RASGRF2: variants seen among roughly 807,000 people sequenced by gnomAD.
RASGRF2 encodes the protein ras-specific guanine nucleotide-releasing factor 2.
RASGRF2 carries 76 observed loss-of-function variants against 151.0 expected under a neutral mutation model. The ratio of observed to expected loss-of-function variants is 0.50; its 90% CI spans 0.42 to 0.61. The LOEUF is 0.61. Ranked by LOEUF, RASGRF2 falls within the 20% of genes least tolerant of loss-of-function variation. The pLI, the probability that RASGRF2 is intolerant of heterozygous loss-of-function variation, is 0.00. For missense variants in RASGRF2, 1,148 were observed against 1,564.6 expected, an observed-to-expected ratio of 0.73 and a Z score of 4.49; for synonymous variants, 504 against 566.5, an observed-to-expected ratio of 0.89 and a Z score of 1.57.
In RASGRF2 at chr5:80,990,429, G is replaced by A. The variant is rs867575892; in HGVS notation, c.288+29403G>A. On this transcript the variant is annotated intron_variant, in intron 1 of 26. Coordinates refer to ENST00000265080, the MANE Select transcript of RASGRF2 (RefSeq NM_006909.3). The stretch of plus-strand genomic sequence containing the variant: ...ATACTCTTGTCATCCTCTTGCCAGT[G>A]AAAGGAGTCGGGAGGGGGCTCCAGG... 3.9e-5 allele frequency among the ~76,000 whole-genome samples: 6 copies of A among 152,142 alleles called. No homozygotes were observed. The South Asian group carries it at 8.3e-4, about 21-fold the overall frequency.
Position 81,202,123 on chromosome 5 carries a change from A to AT in RASGRF2, c.2906+691dup, listed in dbSNP as rs141401732. On this transcript the variant is annotated intron_variant, in intron 19 of 26. Coordinates refer to ENST00000265080, the MANE Select transcript of RASGRF2 (RefSeq NM_006909.3). ...TATAGCTTCTTGAACTGGTGGGTGG[A>AT]TTTTTTTTTTGTCCACTCTATGTGG... is the stretch of plus-strand genomic sequence containing the variant. 5.0e-4 allele frequency among the ~76,000 whole-genome samples: 74 copies of AT among 149,334 alleles called. No individual in the cohort carries two copies. The East Asian group carries it at 9.0e-3, about 18-fold the overall frequency.
chr5:81,227,295 G>C lies in RASGRF2; in HGVS notation c.*1525G>C, dbSNP rs893844838. ...GCATTGGTAATGCACCATAGAGGTA[G>C]AGAATGTACACTTTCTGCACGGTAA... On this transcript the variant is annotated 3_prime_UTR_variant, in exon 27 of 27. Transcript: ENST00000265080. 6.6e-6 allele frequency: 1 copy of C among 152,216 alleles called. No individual in the cohort carries two copies. The highest frequency in any genetic ancestry group is 2.4e-5 in the African/African-American group (1 of 41,458). The allele number at this position is 152,216 out of a possible 1,614,324, so 9.4% of individuals were successfully genotyped here.
chr5:80,971,793 C>G (rs555066065), intron 1 of RASGRF2, among the ~76,000 whole-genome samples: 1 of 151,998 alleles, frequency 6.6e-6, no homozygotes, highest in South Asian at 2.1e-4. Flanking sequence ...TGGTCTCAAC[C>G]GCCTGGGCTC....
intron 18 of RASGRF2, among the ~76,000 whole-genome samples, chr5:81,189,977 G>A (rs898757667): frequency 6.6e-6 from 1 of 152,194 alleles, no homozygotes; most frequent in South Asian, 2.1e-4. Flanking sequence ...TTTCCAAAGT[G>A]CTGGGATTAC....
chr5:81,071,224 C>G (rs1561591382), intron 4 of RASGRF2, among the ~76,000 whole-genome samples: 1 of 152,152 alleles, frequency 6.6e-6, no homozygotes, highest in Non-Finnish European at 1.5e-5. Flanking sequence ...TGGAAAGCAT[C>G]ATATTTGAGG....
intron 1 of RASGRF2, among the ~76,000 whole-genome samples, chr5:81,000,858 G>A (rs761656393): frequency 2.2e-4 from 33 of 152,206 alleles, no homozygotes; most frequent in South Asian, 4.1e-4. Context: ...AACAACGTGC[G>A]TAACTGGACA....
At chr5:80,978,038 G>T (rs760522249) in intron 1 of RASGRF2, among the ~76,000 whole-genome samples, 36 of 152,154 alleles carry the variant, frequency 2.4e-4, no homozygotes, top group Admixed American at 9.2e-4. Flanking sequence ...TAGAGGATAG[G>T]TGAGTGAAAG....
At chr5:81,148,731 A>C (rs1195563631) in intron 17 of RASGRF2, among the ~76,000 whole-genome samples, 1 of 151,900 alleles carries the variant, frequency 6.6e-6, no homozygotes, top group African/African-American at 2.4e-5. Context: ...CGAAATGACG[A>C]GTTAATGGGT....
intron 1 of RASGRF2, among the ~76,000 whole-genome samples, chr5:80,990,191 GA>G (rs1374586928): frequency 1.3e-5 from 2 of 151,696 alleles, no homozygotes; most frequent in Non-Finnish European, 2.9e-5. Flanking sequence ...CTAAAGGAAA[GA>G]CCTCTTACTA....
At chr5:81,190,745 G>A (rs1755137891) in intron 18 of RASGRF2, among the ~76,000 whole-genome samples, 1 of 152,262 alleles carries the variant, frequency 6.6e-6, no homozygotes, top group East Asian at 1.9e-4. Flanking sequence ...TCTCCTTACA[G>A]TGAGACATTT....
At chr5:81,005,790 T>C (rs1749249389) in intron 1 of RASGRF2, among the ~76,000 whole-genome samples, 1 of 152,216 alleles carries the variant, frequency 6.6e-6, no homozygotes, top group African/African-American at 2.4e-5. Context: ...GTACTTTTTT[T>C]CCTTTCTATC....
intron 1 of RASGRF2, among the ~76,000 whole-genome samples, chr5:81,015,177 C>G (rs906493056): frequency 1.3e-5 from 2 of 152,152 alleles, no homozygotes; most frequent in African/African-American, 4.8e-5. Context: ...CACTTTCCAA[C>G]TCTAGATTTT....
chr5:81,103,516 G>T (rs2112524375), intron 12 of RASGRF2, among the ~76,000 whole-genome samples: 1 of 152,090 alleles, frequency 6.6e-6, no homozygotes, highest in African/African-American at 2.4e-5. Context: ...AAAGATTCAA[G>T]GGAATAGAAA....
At chr5:81,012,081 A>C (rs978809070) in intron 1 of RASGRF2, among the ~76,000 whole-genome samples, 1 of 152,186 alleles carries the variant, frequency 6.6e-6, no homozygotes, top group Non-Finnish European at 1.5e-5. Flanking sequence ...TAAAAGCTTT[A>C]CATTTTGTTA....
At chr5:81,113,259 T>TG (rs1450545421) in intron 14 of RASGRF2, 1 of 527,530 alleles carries the variant, frequency 1.9e-6, no homozygotes, top group African/African-American at 1.9e-5. Context: ...AGGCCTGGTG[T>TG]GGAGCCTGAG....
intron 21 of RASGRF2, 128 bp from the exon 22 acceptor site, chr5:81,208,226 C>A: frequency 1.5e-6 from 1 of 660,138 alleles, no homozygotes; most frequent in Non-Finnish European, 2.5e-6. Flanking sequence ...CTGGCAGCAG[C>A]AGGTGTCAGG....
At chr5:81,118,902 G>A (rs1016348581) in intron 15 of RASGRF2, among the ~76,000 whole-genome samples, 2 of 152,148 alleles carry the variant, frequency 1.3e-5, no homozygotes, top group African/African-American at 4.8e-5. Flanking sequence ...TAACAAAGAT[G>A]GCTTTTATGC....
chr5:81,134,329 T>G (rs1287665992), intron 17 of RASGRF2, among the ~76,000 whole-genome samples: 2 of 152,080 alleles, frequency 1.3e-5, no homozygotes, highest in African/African-American at 2.4e-5. Context: ...ACATATTCAG[T>G]GTTTTAGGTG....
chr5:81,146,609 C>G, intron 17 of RASGRF2, among the ~76,000 whole-genome samples: 1 of 152,042 alleles, frequency 6.6e-6, no homozygotes, highest in South Asian at 2.1e-4. Context: ...TGACTAGAAC[C>G]GGGGCCAATG....
Sources: gnomAD v4.1 joint callset for allele counts (sites outside exome capture counted in the v4.1 genomes callset) on GRCh38, gnomAD v4.1.1 for gene constraint, MANE v1.5 for transcripts, NCBI Gene and HGNC (gene_info 2026-07-23, HGNC 2026-07-21) for gene names.